The following VAV2 variants were observed in gnomAD, a reference collection of about 807,000 sequenced individuals.
The protein encoded by VAV2 is guanine nucleotide exchange factor VAV2.
VAV2 carries 67 observed loss-of-function variants against 132.5 expected under a neutral mutation model. That is an observed-to-expected ratio of 0.51 (90% CI 0.42 to 0.62). The LOEUF (loss-of-function observed/expected upper bound fraction) is 0.62. Among genes scored for constraint, VAV2 ranks in the 20% least tolerant of loss-of-function variants. VAV2 has a pLI of 0.00. For missense variants in VAV2, 938 were observed against 1,153.6 expected (o/e 0.81, Z 2.71); for synonymous variants, 492 against 443.5 (o/e 1.11, Z -1.37).
chr9:133,957,814 G>A (rs1016471108), intron 1 of VAV2, among the ~76,000 whole-genome samples: 2 of 150,914 alleles, frequency 1.3e-5, no homozygotes, highest in Admixed American at 6.6e-5. Flanking sequence ...GAGTGTCACT[G>A]TATCTGTGTA....
intron 2 of VAV2, among the ~76,000 whole-genome samples, chr9:133,902,018 G>A (rs1443554311): frequency 6.6e-6 from 1 of 152,144 alleles, no homozygotes; most frequent in Non-Finnish European, 1.5e-5. Flanking sequence ...GATGCTCCGA[G>A]CCTCCATGTC....
chr9:133,907,478 T>G (rs1004398777), intron 2 of VAV2, among the ~76,000 whole-genome samples: 2 of 152,166 alleles, frequency 1.3e-5, no homozygotes, highest in Non-Finnish European at 2.9e-5. Context: ...GGAGACAGAA[T>G]CAGGAGAAAG....
In VAV2 at chr9:133,810,213, C is replaced by T. The variant is rs764201880; in HGVS notation, c.553-8G>A. 1.1e-5 allele frequency: 18 copies of T among 1,613,316 alleles called. No individual in the cohort carries two copies. Among genetic ancestry groups the T allele is most frequent in the Middle Eastern group, 1.6e-4 (1 of 6,084 alleles). ...CACCTGCATGTATCTAATCTGCAAG[C>T]GTGGAGAAAGAACCAGAAACAGCGC... On this transcript the variant is annotated splice_region_variant and splice_polypyrimidine_tract_variant and intron_variant, in intron 5 of 29. Transcript: ENST00000371850.
intron 2 of VAV2, among the ~76,000 whole-genome samples, chr9:133,900,763 CT>C (rs71378600): frequency 0.082 from 11,225 of 136,668 alleles, 475 homozygotes; most frequent in South Asian, 0.13. Context: ...TACCTCCTGT[CT>C]TGATTTATTT....
At chr9:133,962,340 A>C (rs1008062798) in intron 1 of VAV2, among the ~76,000 whole-genome samples, 5 of 152,150 alleles carry the variant, frequency 3.3e-5, no homozygotes, top group African/African-American at 1.2e-4. Context: ...AGCAGAGTCC[A>C]GCCATGCCCA....
intron 11 of VAV2, 123 bp downstream of exon 11, chr9:133,796,306 C>G: frequency 2.6e-6 from 2 of 756,858 alleles, no homozygotes; most frequent in Middle Eastern, 4.7e-4. Flanking sequence ...TAAGCATGAA[C>G]TGACTTGTCT....
intron 4 of VAV2, among the ~76,000 whole-genome samples, chr9:133,829,897 C>T (rs1057437811): frequency 6.6e-6 from 1 of 152,212 alleles, no homozygotes; most frequent in East Asian, 1.9e-4. Context: ...TCGGCTTCCA[C>T]ACTCCCCATG....
At chr9:133,874,069 G>A (rs1838167342) in intron 2 of VAV2, among the ~76,000 whole-genome samples, 1 of 152,228 alleles carries the variant, frequency 6.6e-6, no homozygotes, top group Admixed American at 6.5e-5. Context: ...CGGGGCTGGG[G>A]CAGACAGCTG....
intron 2 of VAV2, among the ~76,000 whole-genome samples, chr9:133,933,910 A>ATGGATGGG (rs1840797245): frequency 7.3e-6 from 1 of 137,802 alleles, no homozygotes; most frequent in Admixed American, 7.2e-5. Flanking sequence ...GGGTGGATGG[A>ATGGATGGG]TGGATGGATG....
chr9:133,972,193 C>T (rs532950399), intron 1 of VAV2, among the ~76,000 whole-genome samples: 10 of 152,182 alleles, frequency 6.6e-5, no homozygotes, highest in Non-Finnish European at 1.2e-4. Flanking sequence ...ATGACTGCTT[C>T]GAAAGGTGAG....
intron 2 of VAV2, among the ~76,000 whole-genome samples, chr9:133,894,545 G>A (rs955079725): frequency 9.2e-5 from 14 of 152,198 alleles, no homozygotes; most frequent in Non-Finnish European, 1.6e-4. Context: ...GCGGCTGTTG[G>A]GAAATTTTGC....
chr9:133,924,481 C>T (rs578209992), intron 2 of VAV2, among the ~76,000 whole-genome samples: 12 of 152,330 alleles, frequency 7.9e-5, no homozygotes, highest in African/African-American at 2.2e-4. Flanking sequence ...GCCACCACAG[C>T]GCCTGGCCCT....
Position 133,939,142 on chromosome 9 carries a change from A to G in VAV2, c.282T>C (p.Phe94=). The G allele has an allele frequency of 1.2e-6, 2 of 1,614,260 alleles. No homozygotes were observed. The highest frequency in any genetic ancestry group is 8.5e-7 in the Non-Finnish European group (1 of 1,180,046). The part of the protein sequence containing the change: ...DKFGLRNSEL[F]DPFDLFDVRD... ...GCACATCGAAGAGGTCAAAGGGGTC[A>G]AACAGCTCGCTGTTCCTTAATCCAA... is the stretch of plus-strand genomic sequence containing the variant. The change falls in exon 2 of 30, where the codon TTT becomes TTC. Residue 94 remains phenylalanine, a synonymous_variant. Coordinates refer to ENST00000371850, the MANE Select transcript of VAV2 (RefSeq NM_001134398.2).
chr9:133,772,479 G>A (rs1200134799), intron 25 of VAV2, among the ~76,000 whole-genome samples: 18 of 152,290 alleles, frequency 1.2e-4, no homozygotes, highest in African/African-American at 4.1e-4. Context: ...GGTGCCGAGC[G>A]CAAGCCTGTC....
intron 3 of VAV2, among the ~76,000 whole-genome samples, chr9:133,850,348 G>A (rs960374714): frequency 1.3e-5 from 2 of 152,176 alleles, no homozygotes; most frequent in Non-Finnish European, 1.5e-5. Flanking sequence ...TCACCTGCAC[G>A]TGACCAGTGG....
At chr9:133,900,931 C>T (rs1233613623) in intron 2 of VAV2, among the ~76,000 whole-genome samples, 1 of 151,928 alleles carries the variant, frequency 6.6e-6, no homozygotes, top group African/African-American at 2.4e-5. Context: ...CCCCGAGAAG[C>T]TGGGATTACA....
At chr9:133,901,534 G>A (rs147150053) in intron 2 of VAV2, among the ~76,000 whole-genome samples, 77 of 152,338 alleles carry the variant, frequency 5.1e-4, no homozygotes, top group Middle Eastern at 3.4e-3. Flanking sequence ...AGAAGCTTCC[G>A]TGGGTGCCAC....
chr9:133,970,586 G>C (rs1206296331), intron 1 of VAV2, among the ~76,000 whole-genome samples: 4 of 152,200 alleles, frequency 2.6e-5, no homozygotes, highest in African/African-American at 9.7e-5. Flanking sequence ...GGGCTGCAGA[G>C]ATGGAGGTGG....
rs2131610758 is a variant in VAV2, at chr9:133,788,056, G to A, written c.1407+298C>T. ...AGTCCCACCCTCACTAGAGGCCTTGGGGTGGCCTCTCCCCTCTGCCTCAGT... is the reference window on the plus strand; with the variant it reads ...AGTCCCACCCTCACTAGAGGCCTTGAGGTGGCCTCTCCCCTCTGCCTCAGT... On this transcript the variant is annotated intron_variant, in intron 15 of 29. Coordinates refer to ENST00000371850, the MANE Select transcript of VAV2 (RefSeq NM_001134398.2). The surrounding 1 kb of genome is among the most constrained non-coding windows in gnomAD (Gnocchi z 5.3). Among the ~76,000 whole-genome samples, 1 of 152,332 alleles carries A rather than the reference G, an allele frequency of 6.6e-6. No individual in the cohort carries two copies. The highest frequency in any genetic ancestry group is 2.4e-5 in the African/African-American group (1 of 41,586).
Sources: allele counts gnomAD v4.1 joint callset (sites outside exome capture counted in the v4.1 genomes callset), GRCh38; gene constraint gnomAD v4.1.1; non-coding constraint Gnocchi (gnomAD v3.1); transcripts MANE v1.5; gene names NCBI Gene and HGNC (gene_info 2026-07-23, HGNC 2026-07-21).